DNAH5: variants seen among roughly 807,000 people sequenced by gnomAD.
DNAH5 encodes the protein axonemal beta dynein heavy chain 5.
A neutral mutation model predicts 518.2 loss-of-function variants in DNAH5; 372 were observed. The ratio of observed to expected loss-of-function variants is 0.72; its 90% CI spans 0.66 to 0.78. The LOEUF is 0.78. Ranked by LOEUF, DNAH5 falls within the 30% of genes least tolerant of loss-of-function variation. DNAH5 has a pLI of 0.00. For missense variants in DNAH5, 5,523 were observed against 5,687.0 expected (o/e 0.97, Z 0.93); for synonymous variants, 2,039 against 2,025.9 (o/e 1.01, Z -0.17).
chr5:13,784,189 AT>A (rs1755622798), intron 52 of DNAH5, among the ~76,000 whole-genome samples: 1 of 152,154 alleles, frequency 6.6e-6, no homozygotes, highest in Non-Finnish European at 1.5e-5. Flanking sequence ...GGTCATTCAG[AT>A]TCTGTCTCCA....
At position 13,917,196 on chromosome 5, in the gene DNAH5, T is replaced by C. The variant is rs1335867421; in HGVS notation, c.1036A>G (p.Lys346Glu). 6.2e-7 allele frequency: 1 copy of C among 1,614,082 alleles called. No homozygotes were observed. The highest frequency in any genetic ancestry group is 2.2e-5 in the East Asian group (1 of 44,850). The change falls in exon 8 of 79, where the codon AAA (lysine) becomes GAA (glutamate). Residue 346 changes from lysine to glutamate, a missense_variant. Around this residue, in one of 3 missense-constraint regions of DNAH5, gnomAD observed 5,121 missense variants for 5,223.3 expected, o/e 0.98. Coordinates refer to ENST00000265104, the MANE Select transcript of DNAH5 (RefSeq NM_001369.3). ...DATNEAKDNVKYLYTLEKCCD... is the reference protein window; with the variant it reads ...DATNEAKDNVEYLYTLEKCCD... ...CATTTTTCAAGTGTATACAAGTATTTCACATTGTCCTTTGCTTCATTAGTT... is the reference window on the plus strand; with the variant it reads ...CATTTTTCAAGTGTATACAAGTATTCCACATTGTCCTTTGCTTCATTAGTT...
intron 24 of DNAH5, 136 bp from the exon 25 acceptor site, chr5:13,868,128 C>T (rs1300994169): frequency 1.3e-6 from 1 of 757,386 alleles, no homozygotes; most frequent in Non-Finnish European, 2.2e-6. Flanking sequence ...TATTCTACTT[C>T]AAACCGCAAG....
At chr5:13,983,534 T>C (rs560960300) in intron 1 of DNAH5, among the ~76,000 whole-genome samples, 1 of 152,264 alleles carries the variant, frequency 6.6e-6, no homozygotes, top group African/African-American at 2.4e-5. Flanking sequence ...GCTGCCCACA[T>C]CACAGAGCCC....
intron 60 of DNAH5, 48 bp from the exon 61 acceptor site, chr5:13,759,031 A>T (rs2126728696): frequency 6.2e-7 from 1 of 1,612,228 alleles, no homozygotes; most frequent in South Asian, 1.1e-5. Context: ...CAACCTCAAA[A>T]CATCCTGCAT....
At chr5:13,825,346 A>AAAATTAATAAATAAATAAAT in intron 38 of DNAH5, among the ~76,000 whole-genome samples, 1 of 150,614 alleles carries the variant, frequency 6.6e-6, no homozygotes, top group East Asian at 2.0e-4. Flanking sequence ...TGTCTTGCAA[A>AAAATTAATAAATAAATAAAT]AAATAAATAA....
chr5:13,906,460 A>T (rs1775311354), intron 12 of DNAH5, among the ~76,000 whole-genome samples: 1 of 152,220 alleles, frequency 6.6e-6, no homozygotes, highest in Non-Finnish European at 1.5e-5. Context: ...AATGAGGTGT[A>T]AAATATTTGA....
intron 39 of DNAH5, 28 bp from the exon 40 acceptor site, chr5:13,823,398 C>G: frequency 6.9e-7 from 1 of 1,443,700 alleles, no homozygotes; most frequent in Non-Finnish European, 9.8e-7. Context: ...GAAATCAGAC[C>G]AATTATTCTG....
intron 53 of DNAH5, among the ~76,000 whole-genome samples, chr5:13,778,039 T>G (rs949728194): frequency 3.3e-5 from 5 of 152,274 alleles, no homozygotes; most frequent in Admixed American, 3.3e-4. Flanking sequence ...TAAATAAAAT[T>G]ATCCCAATTC....
At chr5:13,989,744 A>C (rs959015662) in intron 1 of DNAH5, among the ~76,000 whole-genome samples, 1 of 152,090 alleles carries the variant, frequency 6.6e-6, no homozygotes, top group East Asian at 1.9e-4. Context: ...CGGCCTCCCA[A>C]AGTGCTCGGA....
At chr5:13,888,649 A>C (rs566571015) in intron 17 of DNAH5, among the ~76,000 whole-genome samples, 6 of 152,252 alleles carry the variant, frequency 3.9e-5, no homozygotes, top group Non-Finnish European at 8.8e-5. Context: ...TAAAAGTAGT[A>C]AACTATAATA....
At chr5:13,969,771 T>C (rs1219311770) in intron 1 of DNAH5, among the ~76,000 whole-genome samples, 1 of 152,202 alleles carries the variant, frequency 6.6e-6, no homozygotes, top group Non-Finnish European at 1.5e-5. Context: ...ATGAATAGAA[T>C]GTATAATCTG....
At position 13,965,533 on chromosome 5, in the gene DNAH5, A is replaced by G. The variant is rs76798816; in HGVS notation, c.13-34289T>C. 2.3e-3 allele frequency among the ~76,000 whole-genome samples: 357 copies of G among 152,304 alleles called. 2 individuals are homozygous for G. The highest frequency in any genetic ancestry group is 8.2e-3 in the African/African-American group (341 of 41,570). ...CTTGTTTCACATATCATCCCAAAAG[A>G]CACGCTTTGTTTAAGGCATTATTTG... On this transcript the variant is annotated intron_variant, in intron 1 of 78. Coordinates refer to the DNAH5 transcript ENST00000681290.
At chr5:13,856,706 T>C (rs1469846321) in intron 30 of DNAH5, among the ~76,000 whole-genome samples, 1 of 152,144 alleles carries the variant, frequency 6.6e-6, no homozygotes, top group African/African-American at 2.4e-5. Context: ...GTAACGCTGG[T>C]TCAACATATG....
At chr5:13,729,737 G>GA (rs993000245) in intron 68 of DNAH5, among the ~76,000 whole-genome samples, 177 bp from the exon 69 acceptor site, 1 of 152,092 alleles carries the variant, frequency 6.6e-6, no homozygotes, top group Non-Finnish European at 1.5e-5. Context: ...GATAATTTTA[G>GA]AAAAAACTCA....
intron 42 of DNAH5, among the ~76,000 whole-genome samples, chr5:13,817,121 C>A (rs1761549535): frequency 2.0e-5 from 3 of 152,178 alleles, no homozygotes; most frequent in Admixed American, 6.5e-5. Flanking sequence ...TTGCTATATA[C>A]AATTTTCTCT....
chr5:13,920,412 A>G (rs954330292), intron 6 of DNAH5, 68 bp downstream of exon 6: 2 of 1,593,518 alleles, frequency 1.3e-6, no homozygotes, highest in African/African-American at 2.7e-5. Context: ...GTATGTCAAT[A>G]CACCTTCTTC....
At chr5:13,761,411 G>A (rs933542378) in intron 60 of DNAH5, among the ~76,000 whole-genome samples, 5 of 152,086 alleles carry the variant, frequency 3.3e-5, no homozygotes, top group Admixed American at 6.5e-5. Context: ...GGCTAACATG[G>A]TGAAACCCCA....
chr5:13,774,953 G>T (rs1449695970), intron 55 of DNAH5, among the ~76,000 whole-genome samples: 1 of 152,118 alleles, frequency 6.6e-6, no homozygotes, highest in Non-Finnish European at 1.5e-5. Context: ...TGAAGTACTT[G>T]CATATTGATA....
chr5:13,871,982 A>C (rs1013240278), intron 22 of DNAH5, among the ~76,000 whole-genome samples: 29 of 152,204 alleles, frequency 1.9e-4, no homozygotes, highest in African/African-American at 6.8e-4. Flanking sequence ...ATCCCTAGCT[A>C]AATGGGAGAG....
Sources: gnomAD v4.1 joint callset for allele counts (sites outside exome capture counted in the v4.1 genomes callset) on GRCh38, gnomAD v4.1.1 for gene constraint, gnomAD v4.1.1 regional missense constraint, MANE v1.5 for transcripts, NCBI Gene and HGNC (gene_info 2026-07-23, HGNC 2026-07-21) for gene names.